CDH23: variants seen among roughly 807,000 people sequenced by gnomAD.
CDH23 encodes cadherin related 23, also known as cadherin-23.
In CDH23, 189 loss-of-function variants were observed where a neutral mutation model predicts 317.1. The observed-to-expected ratio is 0.60, with a 90% CI of 0.53 to 0.67. The LOEUF is 0.67. CDH23 is among the 30% of genes least tolerant of loss of function. The pLI is 0.00. For missense variants in CDH23, 4,401 were observed against 4,592.4 expected (o/e 0.96, Z 1.20); for synonymous variants, 1,839 against 1,876.8 (o/e 0.98, Z 0.52).
At chr10:71,696,914 A>C (rs528346889) in intron 22 of CDH23, among the ~76,000 whole-genome samples, 1 of 152,120 alleles carries the variant, frequency 6.6e-6, no homozygotes. Context: ...TGGGCACTGC[A>C]CTGGCCCAGG....
intron 27 of CDH23, among the ~76,000 whole-genome samples, chr10:71,709,650 C>T (rs1199872247): frequency 6.6e-6 from 1 of 152,128 alleles, no homozygotes; most frequent in African/African-American, 2.4e-5. Context: ...GCAATATGGG[C>T]TCACAAAACC....
intron 40 of CDH23, 125 bp downstream of exon 40, chr10:71,778,433 C>G: frequency 3.1e-6 from 4 of 1,282,326 alleles, no homozygotes; most frequent in Admixed American, 2.1e-5. Flanking sequence ...ATCCAAGACC[C>G]CTGTCCTAAT....
intron 31 of CDH23, among the ~76,000 whole-genome samples, chr10:71,731,147 G>A (rs890000286): frequency 4.1e-4 from 62 of 152,322 alleles, no homozygotes; most frequent in African/African-American, 1.4e-3. Context: ...AAAATGAAGG[G>A]GAAGCATGCC....
At chr10:71,406,183 T>C (rs994826530) in intron 1 of CDH23, among the ~76,000 whole-genome samples, 1 of 152,144 alleles carries the variant, frequency 6.6e-6, no homozygotes, top group African/African-American at 2.4e-5. Context: ...GTGAGAAGGA[T>C]AAGTATTAAA....
At chr10:71,722,501 G>A (rs774534795) in intron 28 of CDH23, among the ~76,000 whole-genome samples, 64 of 152,196 alleles carry the variant, frequency 4.2e-4, no homozygotes, top group Non-Finnish European at 8.1e-4. Flanking sequence ...CTCCTAAGTC[G>A]TTCACATATT....
chr10:71,815,174 A>G lies in CDH23; in HGVS notation c.9961A>G (p.Thr3321Ala). The change falls in exon 70 of 70, where the codon ACT (threonine) becomes GCT (alanine). Residue 3321 changes from threonine (T) to alanine (A), a missense_variant. Thr to Ala is a moderately conservative substitution (Grantham distance 58). Transcript: ENST00000224721. Reference sequence around the variant, plus strand: ...GGAGACGCTGACCGCTGCCGAGGCCACTGCCTTCGAGCGCAACGCCCGCAC... The same window carrying G: ...GGAGACGCTGACCGCTGCCGAGGCCGCTGCCTTCGAGCGCAACGCCCGCAC... The part of the protein sequence containing the change: ...SLETLTAAEA[T>A]AFERNARTES... 1 of 1,611,434 alleles carries G rather than the reference A, an allele frequency of 6.2e-7. No homozygotes were observed. Among genetic ancestry groups the G allele is most frequent in the Non-Finnish European group, 8.5e-7 (1 of 1,178,836 alleles).
In CDH23 at chr10:71,451,668, G is replaced by A. The variant is rs137887309; in HGVS notation, c.145+5273G>A. The stretch of plus-strand genomic sequence containing the variant: ...AAGTGCTGCTCCCTTTGCTTTTTCC[G>A]GGGCCTGGCCATCCTCTCTGTTAGC... On this transcript the variant is annotated intron_variant, in intron 3 of 69. Transcript: ENST00000224721. 3.6e-3 allele frequency among the ~76,000 whole-genome samples: 546 copies of A among 152,264 alleles called. 2 individuals carry two copies. The highest frequency in any genetic ancestry group is 5.8e-3 in the Non-Finnish European group (395 of 68,020).
chr10:71,537,733 G>A (rs117281403), intron 6 of CDH23, among the ~76,000 whole-genome samples: 18 of 152,318 alleles, frequency 1.2e-4, no homozygotes, highest in Admixed American at 3.3e-4. Context: ...GCCCCAAATC[G>A]ACAGTGACAG....
chr10:71,436,296 G>A (rs1849615797), intron 1 of CDH23, among the ~76,000 whole-genome samples: 1 of 152,270 alleles, frequency 6.6e-6, no homozygotes, highest in Admixed American at 6.5e-5. Flanking sequence ...GCACTTGAGA[G>A]GTTGGGGGCC....
chr10:71,610,915 G>A lies in CDH23; in HGVS notation c.833-4589G>A, dbSNP rs1389734531. Among the ~76,000 whole-genome samples, 6 of 152,000 alleles carry A rather than the reference G, an allele frequency of 3.9e-5. No individual in the cohort carries two copies. The East Asian group carries it at 1.2e-3, about 29-fold the overall frequency. ...GAATCCTTACGGTGGTAAAAGTGCA[G>A]CCACCACCCCACCCCAAAACCCCTC... On this transcript the variant is annotated intron_variant, in intron 9 of 69. Transcript: ENST00000224721.
At chr10:71,604,105 T>A (rs970275022) in intron 9 of CDH23, among the ~76,000 whole-genome samples, 1 of 152,116 alleles carries the variant, frequency 6.6e-6, no homozygotes, top group Non-Finnish European at 1.5e-5. Context: ...TTTTCTCACC[T>A]GTAAAATGGG....
chr10:71,587,198 C>T (rs1268268643), intron 9 of CDH23, among the ~76,000 whole-genome samples: 2 of 152,264 alleles, frequency 1.3e-5, no homozygotes, highest in Non-Finnish European at 2.9e-5. Context: ...AAACCTAGAC[C>T]TTCCTGCTTC....
At chr10:71,432,390 G>C (rs1849425073) in intron 1 of CDH23, among the ~76,000 whole-genome samples, 1 of 115,258 alleles carries the variant, frequency 8.7e-6, no homozygotes, top group Admixed American at 9.2e-5. Context: ...TGTGTGAGTT[G>C]TGTGGTGTGT....
In CDH23 at chr10:71,807,734, C is replaced by G. The variant is rs750302442; in HGVS notation, c.8527C>G (p.Pro2843Ala). Residue 2843 changes from proline to alanine, a missense_variant, in exon 59 of 70, where the codon CCA (proline) becomes GCA (alanine). Pro to Ala is a conservative substitution (Grantham distance 27). Coordinates refer to ENST00000224721, the MANE Select transcript of CDH23 (RefSeq NM_022124.6). ...RVVLEDINDQPPRFTKAEYTA... is the reference protein window; with the variant it reads ...RVVLEDINDQAPRFTKAEYTA... ...TGTGCTAGAGGACATCAACGACCAGCCACCACGCTTCACCAAGGCTGAGTA... is the reference window on the plus strand; with the variant it reads ...TGTGCTAGAGGACATCAACGACCAGGCACCACGCTTCACCAAGGCTGAGTA... The G allele has an allele frequency of 6.2e-6, 10 of 1,608,140 alleles. No individual in the cohort carries two copies. The South Asian group carries it at 1.0e-4, about 16-fold the overall frequency.
chr10:71,631,639 G>T, intron 11 of CDH23, among the ~76,000 whole-genome samples: 1 of 152,234 alleles, frequency 6.6e-6, no homozygotes, highest in East Asian at 1.9e-4. Flanking sequence ...TACAGAGCAG[G>T]TCTACCAGGA....
At chr10:71,438,833 C>A (rs1285931511) in intron 1 of CDH23, among the ~76,000 whole-genome samples, 1 of 152,142 alleles carries the variant, frequency 6.6e-6, no homozygotes, top group Non-Finnish European at 1.5e-5. Context: ...ATGAACACGC[C>A]CCAGGCCAGA....
At position 71,797,116 on chromosome 10, in the gene CDH23, T is replaced by C. The variant is rs772264240; in HGVS notation, c.6725T>C (p.Val2242Ala). The change falls in exon 49 of 70, where the codon GTG becomes GCG. Residue 2242 changes from valine (V) to alanine (A), a missense_variant. Val to Ala is a moderately conservative substitution (Grantham distance 64). This residue lies in a region of CDH23 where 3,068 missense variants were observed against 3,203.3 expected (regional missense o/e 0.96). Transcript: ENST00000224721. ...GTCTGGTCCACAGGATCTGTAATGG[T>C]GAAGTCCCCCATGAATCGGGAGCTG... is the stretch of plus-strand genomic sequence containing the variant. Reference protein sequence around the residue: ...AVNINTGSVMVKSPMNRELVA... With the variant: ...AVNINTGSVMAKSPMNRELVA... 1.1e-5 allele frequency: 17 copies of C among 1,611,624 alleles called. No homozygotes were observed. In the South Asian group the frequency reaches 1.9e-4, roughly 18 times the overall value.
chr10:71,653,955 C>T (rs987306322), intron 14 of CDH23, among the ~76,000 whole-genome samples: 2 of 152,148 alleles, frequency 1.3e-5, no homozygotes, highest in Non-Finnish European at 2.9e-5. Flanking sequence ...CTCTTGGTTC[C>T]TAGATTTTCT....
intron 9 of CDH23, among the ~76,000 whole-genome samples, chr10:71,598,074 G>A (rs1859975614): frequency 6.6e-6 from 1 of 152,226 alleles, no homozygotes; most frequent in Non-Finnish European, 1.5e-5. Context: ...AGCATGGTGG[G>A]GCTGGCTCCT....
Sources: allele counts gnomAD v4.1 joint callset (sites outside exome capture counted in the v4.1 genomes callset), GRCh38; gene constraint gnomAD v4.1.1; regional missense constraint gnomAD v4.1.1; transcripts MANE v1.5; gene names NCBI Gene and HGNC (gene_info 2026-07-23, HGNC 2026-07-21).